The following FAM81A variants were observed in gnomAD, a reference collection of about 807,000 sequenced individuals.
The protein encoded by FAM81A is family with sequence similarity 81 member A.
FAM81A carries 19 observed loss-of-function variants against 46.7 expected under a neutral mutation model. That is an observed-to-expected ratio of 0.41 (90% CI 0.28 to 0.60). The LOEUF is 0.60. FAM81A is among the 20% of genes least tolerant of loss of function. The pLI, the probability that FAM81A is intolerant of heterozygous loss-of-function variation, is 0.34. For missense variants in FAM81A, 377 were observed against 453.5 expected (o/e 0.83, Z 1.53); for synonymous variants, 183 against 152.9 (o/e 1.20, Z -1.45).
At chr15:59,499,043 G>A (rs1399469478) in intron 4 of FAM81A, among the ~76,000 whole-genome samples, 2 of 152,062 alleles carry the variant, frequency 1.3e-5, no homozygotes, top group African/African-American at 4.8e-5. Flanking sequence ...CTAGTTTGTT[G>A]GCTGTTTTTA....
chr15:59,424,681 A>G (rs1289292621), intron 2 of FAM81A, among the ~76,000 whole-genome samples: 1 of 152,264 alleles, frequency 6.6e-6, no homozygotes, highest in South Asian at 2.1e-4. Context: ...AAAAGCCAGA[A>G]AAAATTCTTG....
At chr15:59,487,352 TAAAG>T (rs1340567777) in intron 3 of FAM81A, among the ~76,000 whole-genome samples, 2 of 149,862 alleles carry the variant, frequency 1.3e-5, no homozygotes, top group African/African-American at 2.5e-5. Flanking sequence ...GGATATGTCT[TAAAG>T]AATCAGAAAA....
chr15:59,456,281 G>C, intron 1 of FAM81A, among the ~76,000 whole-genome samples: 1 of 152,098 alleles, frequency 6.6e-6, no homozygotes, highest in Non-Finnish European at 1.5e-5. Flanking sequence ...GTGGTGGATG[G>C]GGTGGCGGGG....
intron 4 of FAM81A, among the ~76,000 whole-genome samples, chr15:59,501,066 C>G (rs2082086027): frequency 6.6e-6 from 1 of 152,020 alleles, no homozygotes; most frequent in Non-Finnish European, 1.5e-5. Flanking sequence ...ATTTTCCTGG[C>G]CATTTTAGAT....
At chr15:59,483,188 C>T (rs537382944) in intron 3 of FAM81A, among the ~76,000 whole-genome samples, 4 of 152,194 alleles carry the variant, frequency 2.6e-5, no homozygotes, top group African/African-American at 4.8e-5. Context: ...CAGGTGCGTG[C>T]CATCACGCCT....
In FAM81A at chr15:59,516,634, A is replaced by G. The variant is rs773120506; in HGVS notation, c.787-11A>G. On this transcript the variant is annotated splice_polypyrimidine_tract_variant and intron_variant, in intron 7 of 8. Coordinates refer to ENST00000288228, the MANE Select transcript of FAM81A (RefSeq NM_152450.3). ...GGAGTGATTAAGTGCAGTTCTTATC[A>G]TGGATCTCAGGGAGCCAGTGAAAGG... is the stretch of plus-strand genomic sequence containing the variant. The G allele has an allele frequency of 6.2e-6, 10 of 1,605,452 alleles. No homozygotes were observed. Among genetic ancestry groups the G allele is most frequent in the South Asian group, 2.2e-5 (2 of 89,644 alleles).
intron 2 of FAM81A, among the ~76,000 whole-genome samples, chr15:59,417,381 AAAACAAACAAAC>A (rs150728195): frequency 2.0e-5 from 3 of 151,172 alleles, no homozygotes; most frequent in Non-Finnish European, 4.4e-5. Context: ...TAGCTATTTA[AAAACAAACAAAC>A]AAACAAACAA....
chr15:59,425,617 C>T (rs959378613), intron 2 of FAM81A, among the ~76,000 whole-genome samples: 19 of 152,004 alleles, frequency 1.2e-4, no homozygotes, highest in African/African-American at 4.3e-4. Context: ...CTTGGCTATT[C>T]TTTTATTTGT....
chr15:59,432,048 AT>A (rs1294072405), intron 2 of FAM81A, among the ~76,000 whole-genome samples: 1 of 152,092 alleles, frequency 6.6e-6, no homozygotes, highest in Non-Finnish European at 1.5e-5. Context: ...TTACTTTGTT[AT>A]TTTTCTTTTT....
chr15:59,514,934 T>A (rs1436163170), intron 7 of FAM81A, among the ~76,000 whole-genome samples: 6 of 152,160 alleles, frequency 3.9e-5, no homozygotes, highest in African/African-American at 1.4e-4. Context: ...TTTGTAGAAC[T>A]GCTCAAAAAC....
chr15:59,422,298 G>C (rs1239339976), intron 2 of FAM81A, among the ~76,000 whole-genome samples: 2 of 151,994 alleles, frequency 1.3e-5, no homozygotes, highest in Admixed American at 6.6e-5. Flanking sequence ...TGAGATTAGG[G>C]TATCACTTGA....
chr15:59,469,185 T>A (rs1252253314), intron 3 of FAM81A, among the ~76,000 whole-genome samples: 3 of 152,222 alleles, frequency 2.0e-5, no homozygotes, highest in Non-Finnish European at 4.4e-5. Flanking sequence ...ATGTATATTC[T>A]GTTGATTTGG....
chr15:59,449,648 G>A (rs946453157), intron 1 of FAM81A, among the ~76,000 whole-genome samples: 6 of 151,956 alleles, frequency 3.9e-5, no homozygotes, highest in East Asian at 1.9e-4. Flanking sequence ...CGGGCGTGGT[G>A]GCGGGCGCCT....
chr15:59,492,149 GA>G, intron 3 of FAM81A, 121 bp from the exon 4 acceptor site: 1 of 690,996 alleles, frequency 1.4e-6, no homozygotes. Context: ...GGTGACTGTT[GA>G]AAAGGAGTCT....
chr15:59,507,712 T>C (rs1218968057), intron 5 of FAM81A, among the ~76,000 whole-genome samples: 5 of 152,240 alleles, frequency 3.3e-5, no homozygotes, highest in African/African-American at 1.2e-4. Flanking sequence ...AAATAATGTA[T>C]TCCCTGGGAC....
intron 1 of FAM81A, among the ~76,000 whole-genome samples, chr15:59,449,626 C>T (rs866752346): frequency 1.3e-5 from 2 of 151,722 alleles, no homozygotes; most frequent in South Asian, 2.1e-4. Context: ...CTAAAAAACA[C>T]AAAAAATTAG....
At chr15:59,516,555 G>A in intron 7 of FAM81A, 90 bp from the exon 8 acceptor site, 2 of 1,315,502 alleles carry the variant, frequency 1.5e-6, no homozygotes, top group South Asian at 2.7e-5. Context: ...GTTTCTTGCA[G>A]ATTGTTGTTA....
chr15:59,522,639 C>T lies in FAM81A; in HGVS notation c.*1261C>T. Reference sequence around the variant, plus strand: ...GTTCATCTCTGTATGTAAAAACTGACAGTGAGACACAACGTTCTGAACTGT... The same window carrying T: ...GTTCATCTCTGTATGTAAAAACTGATAGTGAGACACAACGTTCTGAACTGT... On this transcript the variant is annotated 3_prime_UTR_variant, in exon 9 of 9. Coordinates refer to ENST00000288228, the MANE Select transcript of FAM81A (RefSeq NM_152450.3). 1 of 152,342 alleles carries T rather than the reference C, an allele frequency of 6.6e-6. No homozygotes were observed. The highest frequency in any genetic ancestry group is 2.4e-5 in the African/African-American group (1 of 41,352). 9.4% of individuals were successfully genotyped at this position (152,342 alleles called of 1,614,324 possible).
At chr15:59,483,725 G>A (rs2081882933) in intron 3 of FAM81A, among the ~76,000 whole-genome samples, 1 of 152,182 alleles carries the variant, frequency 6.6e-6, no homozygotes, top group Admixed American at 6.5e-5. Context: ...GGTTTAGTGT[G>A]CCTGTCTCTA....
Sources: allele counts gnomAD v4.1 joint callset (sites outside exome capture counted in the v4.1 genomes callset), GRCh38; gene constraint gnomAD v4.1.1; transcripts MANE v1.5; gene names NCBI Gene and HGNC (gene_info 2026-07-23, HGNC 2026-07-21).